The following FILIP1 variants were observed in gnomAD, a reference collection of about 807,000 sequenced individuals.
FILIP1 encodes the protein filamin-A-interacting protein 1.
In FILIP1, 61 loss-of-function variants were observed where a neutral mutation model predicts 102.1. The ratio of observed to expected loss-of-function variants is 0.60; its 90% CI spans 0.49 to 0.74. The LOEUF is 0.74. Among genes scored for constraint, FILIP1 ranks in the 30% least tolerant of loss-of-function variants. The pLI, the probability that FILIP1 is intolerant of heterozygous loss-of-function variation, is 0.00. For synonymous variants in FILIP1, 491 were observed against 526.9 expected (o/e 0.93, Z 0.93); for missense variants, 1,314 against 1,441.2 (o/e 0.91, Z 1.43).
At chr6:75,336,562 A>T (rs975018839) in intron 4 of FILIP1, among the ~76,000 whole-genome samples, 1 of 152,124 alleles carries the variant, frequency 6.6e-6, no homozygotes, top group Non-Finnish European at 1.5e-5. Context: ...AGCGGCAGGC[A>T]TCTTGTACTC....
intron 1 of FILIP1, among the ~76,000 whole-genome samples, chr6:75,457,898 T>C (rs140661449): frequency 2.8e-3 from 424 of 152,300 alleles, no homozygotes; most frequent in Middle Eastern, 0.017. Flanking sequence ...AACAAAACCA[T>C]ATATTTTTTA....
intron 1 of FILIP1, among the ~76,000 whole-genome samples, chr6:75,464,862 C>CT (rs1291975691): frequency 2.0e-5 from 3 of 152,206 alleles, no homozygotes; most frequent in African/African-American, 7.2e-5. Context: ...GGCTGAAACT[C>CT]TGACTCTTCC....
chr6:75,372,944 A>G (rs1344111883), intron 2 of FILIP1, among the ~76,000 whole-genome samples: 2 of 152,198 alleles, frequency 1.3e-5, no homozygotes, highest in Admixed American at 6.5e-5. Flanking sequence ...TATGATCCCA[A>G]AAGAATCAAA....
chr6:75,464,797 C>T (rs377191107), intron 1 of FILIP1, among the ~76,000 whole-genome samples: 103 of 152,278 alleles, frequency 6.8e-4, no homozygotes, highest in African/African-American at 2.4e-3. Flanking sequence ...GCTATCTGGT[C>T]CTCCTGTAGC....
Position 75,462,615 on chromosome 6 carries a change from T to A in FILIP1, c.-7+30799A>T, listed in dbSNP as rs1779058377. Among the ~76,000 whole-genome samples, 3 of 152,272 alleles carry A rather than the reference T, an allele frequency of 2.0e-5. No homozygotes were observed. The South Asian group carries it at 6.2e-4, about 32-fold the overall frequency. ...ATATATACACACACATACATATACC[T>A]ATACATATTGATAAGTATTGCTATA... On this transcript the variant is annotated intron_variant, in intron 1 of 5. Transcript: ENST00000237172.
At chr6:75,405,235 A>G (rs1331195739) in intron 2 of FILIP1, among the ~76,000 whole-genome samples, 1 of 152,190 alleles carries the variant, frequency 6.6e-6, no homozygotes. Flanking sequence ...TAAAAATCCC[A>G]TGTTTCACTT....
intron 4 of FILIP1, among the ~76,000 whole-genome samples, chr6:75,336,298 A>G (rs958995495): frequency 1.3e-5 from 2 of 152,132 alleles, no homozygotes; most frequent in Admixed American, 6.5e-5. Flanking sequence ...GCTTCAGTTA[A>G]CTCAGCTGTA....
At chr6:75,324,463 C>A (rs1773767761) in intron 4 of FILIP1, among the ~76,000 whole-genome samples, 1 of 151,748 alleles carries the variant, frequency 6.6e-6, no homozygotes, top group Non-Finnish European at 1.5e-5. Flanking sequence ...TGGAAGCACA[C>A]CCCATGCTCA....
intron 1 of FILIP1, among the ~76,000 whole-genome samples, chr6:75,451,841 A>AT (rs751627108): frequency 1.3e-5 from 2 of 152,284 alleles, no homozygotes. Flanking sequence ...CTCAAAAAAA[A>AT]TTTAAAAAAA....
chr6:75,353,447 C>T (rs1582385654), intron 4 of FILIP1, 92 bp downstream of exon 4: 4 of 1,398,866 alleles, frequency 2.9e-6, no homozygotes, highest in Non-Finnish European at 3.9e-6. Flanking sequence ...GTCCACGATG[C>T]CCCTGGCTGA....
intron 1 of FILIP1, among the ~76,000 whole-genome samples, chr6:75,471,225 A>G (rs1274147351): frequency 6.6e-6 from 1 of 151,882 alleles, no homozygotes; most frequent in Non-Finnish European, 1.5e-5. Context: ...CAGGAGTATA[A>G]AAGTGAAAAG....
At chr6:75,341,639 T>C (rs1381012851) in intron 4 of FILIP1, among the ~76,000 whole-genome samples, 1 of 152,210 alleles carries the variant, frequency 6.6e-6, no homozygotes, top group African/African-American at 2.4e-5. Flanking sequence ...TAGTTTATAT[T>C]ATTTTGTCAT....
At chr6:75,442,434 A>T (rs1488077286) in intron 1 of FILIP1, among the ~76,000 whole-genome samples, 1 of 152,232 alleles carries the variant, frequency 6.6e-6, no homozygotes, top group African/African-American at 2.4e-5. Flanking sequence ...GCGAGCCAAG[A>T]TCACGCCACT....
intron 1 of FILIP1, among the ~76,000 whole-genome samples, chr6:75,439,826 T>C (rs1297480089): frequency 1.3e-5 from 2 of 152,282 alleles, no homozygotes; most frequent in Non-Finnish European, 1.5e-5. Flanking sequence ...AAGTACAAAT[T>C]AGGCCATTGT....
At chr6:75,353,041 C>T (rs1774863897) in intron 4 of FILIP1, among the ~76,000 whole-genome samples, 1 of 143,112 alleles carries the variant, frequency 7.0e-6, no homozygotes, top group South Asian at 2.2e-4. Flanking sequence ...GAATATCACA[C>T]TCTGGGGCCT....
intron 1 of FILIP1, chr6:75,453,860 TG>T (rs1778724069): frequency 2.3e-6 from 1 of 431,380 alleles, no homozygotes; most frequent in Admixed American, 2.5e-5. Flanking sequence ...GCCTGGTACT[TG>T]GGGCCATGTC....
chr6:75,310,667 G>C (rs946996793), intron 5 of FILIP1, among the ~76,000 whole-genome samples: 2 of 152,166 alleles, frequency 1.3e-5, no homozygotes, highest in African/African-American at 4.8e-5. Flanking sequence ...AAATGTTACG[G>C]CAGAAAATAT....
intron 3 of FILIP1, among the ~76,000 whole-genome samples, chr6:75,355,926 C>A (rs1774980489): frequency 6.6e-6 from 1 of 152,164 alleles, no homozygotes; most frequent in East Asian, 1.9e-4. Context: ...CCAGATACAT[C>A]TTCATTTCGG....
chr6:75,374,922 T>G (rs1224493501), intron 2 of FILIP1, among the ~76,000 whole-genome samples: 1 of 150,982 alleles, frequency 6.6e-6, no homozygotes, highest in Non-Finnish European at 1.5e-5. Context: ...CTAGAAGTTA[T>G]TTTTGCAGCT....
Sources: gnomAD v4.1 joint callset for allele counts (sites outside exome capture counted in the v4.1 genomes callset) on GRCh38, gnomAD v4.1.1 for gene constraint, MANE v1.5 for transcripts, NCBI Gene and HGNC (gene_info 2026-07-23, HGNC 2026-07-21) for gene names.